Variants in CADPS2 observed in about 807,000 individuals in gnomAD.
The protein encoded by CADPS2 is calcium-dependent secretion activator 2.
In CADPS2, 93 loss-of-function variants were observed where a neutral mutation model predicts 172.5. That is an observed-to-expected ratio of 0.54 (90% confidence interval 0.46 to 0.64). CADPS2 has a LOEUF of 0.64. Ranked by LOEUF, CADPS2 falls within the 30% of genes least tolerant of loss-of-function variation. CADPS2 has a pLI of 0.00. For missense variants in CADPS2, 1,420 were observed against 1,565.9 expected (o/e 0.91, Z 1.57); for synonymous variants, 546 against 555.2 (o/e 0.98, Z 0.23).
chr7:122,360,466 G>A (rs981112960), intron 27 of CADPS2, among the ~76,000 whole-genome samples: 7 of 152,114 alleles, frequency 4.6e-5, no homozygotes, highest in South Asian at 2.1e-4. Context: ...ATAGAAAGGG[G>A]AGGAAAAGCG....
intron 27 of CADPS2, among the ~76,000 whole-genome samples, chr7:122,358,732 A>G (rs1274029138): frequency 6.6e-6 from 1 of 152,104 alleles, no homozygotes; most frequent in African/African-American, 2.4e-5. Flanking sequence ...GGCCAACAAG[A>G]CCTTACAGCT....
intron 1 of CADPS2, among the ~76,000 whole-genome samples, chr7:122,797,979 G>A (rs1174132987): frequency 6.6e-6 from 1 of 150,766 alleles, no homozygotes; most frequent in Non-Finnish European, 1.5e-5. Flanking sequence ...TTTAATATTT[G>A]TGTCAAGTTT....
chr7:122,730,658 C>T (rs542859794), intron 2 of CADPS2, among the ~76,000 whole-genome samples: 12 of 151,624 alleles, frequency 7.9e-5, no homozygotes, highest in Non-Finnish European at 1.6e-4. Context: ...CAGTTTTATA[C>T]ATACAAAACA....
intron 1 of CADPS2, among the ~76,000 whole-genome samples, chr7:122,841,786 C>T (rs1407924584): frequency 6.6e-6 from 1 of 152,136 alleles, no homozygotes; most frequent in Non-Finnish European, 1.5e-5. Context: ...AACTGAAGAC[C>T]ATCAGCCTGA....
At chr7:122,740,987 G>A (rs998149558) in intron 1 of CADPS2, among the ~76,000 whole-genome samples, 7 of 152,192 alleles carry the variant, frequency 4.6e-5, no homozygotes, top group Admixed American at 3.9e-4. Flanking sequence ...TTTGAGATTG[G>A]ATCAATACTA....
At chr7:122,383,591 C>T (rs186761274) in intron 24 of CADPS2, among the ~76,000 whole-genome samples, 41 of 152,218 alleles carry the variant, frequency 2.7e-4, no homozygotes, top group African/African-American at 9.6e-4. Context: ...TGCTTTCCCG[C>T]AGGTGATTCT....
At chr7:122,815,558 C>T (rs1043469221) in intron 1 of CADPS2, among the ~76,000 whole-genome samples, 18 of 151,266 alleles carry the variant, frequency 1.2e-4, no homozygotes, top group African/African-American at 3.9e-4. Context: ...GAGGGAAAAA[C>T]AGAAACACAA....
chr7:122,678,701 G>C (rs150783468), intron 2 of CADPS2, among the ~76,000 whole-genome samples: 1 of 152,136 alleles, frequency 6.6e-6, no homozygotes, highest in Non-Finnish European at 1.5e-5. Flanking sequence ...CCGATCTTAG[G>C]TTCTACATAG....
intron 1 of CADPS2, among the ~76,000 whole-genome samples, chr7:122,756,922 C>T (rs1007110822): frequency 6.6e-6 from 1 of 151,258 alleles, no homozygotes; most frequent in Non-Finnish European, 1.5e-5. Context: ...AAAAAAATTA[C>T]ATCCTCAGAC....
At chr7:122,794,173 T>C (rs1795877256) in intron 1 of CADPS2, among the ~76,000 whole-genome samples, 2 of 152,154 alleles carry the variant, frequency 1.3e-5, no homozygotes, top group South Asian at 4.1e-4. Flanking sequence ...GAAGTTCTCA[T>C]GGATGATATC....
chr7:122,819,726 C>T lies in CADPS2; in HGVS notation c.339+66273G>A, dbSNP rs541127555. On this transcript the variant is annotated intron_variant, in intron 1 of 29. Transcript: ENST00000449022. ...AAATTATCTGCTTCCCTGACTATTCCTGGACTACAGCTATATCTCATCGCC... is the reference window on the plus strand; with the variant it reads ...AAATTATCTGCTTCCCTGACTATTCTTGGACTACAGCTATATCTCATCGCC... 7.5e-4 allele frequency among the ~76,000 whole-genome samples: 114 copies of T among 152,204 alleles called. 1 individual carries two copies. Among genetic ancestry groups the T allele is most frequent in the African/African-American group, 2.4e-5 (1 of 41,516 alleles).
intron 1 of CADPS2, among the ~76,000 whole-genome samples, chr7:122,875,603 C>T (rs17145068): frequency 0.12 from 18,718 of 152,094 alleles, 1,242 homozygotes; most frequent in South Asian, 0.21. Flanking sequence ...CCATAAGCAA[C>T]ATTCTCTGTC....
chr7:122,771,163 T>G (rs1157310414), intron 1 of CADPS2, among the ~76,000 whole-genome samples: 7 of 152,160 alleles, frequency 4.6e-5, no homozygotes, highest in African/African-American at 1.7e-4. Flanking sequence ...TAACCTGCAG[T>G]AGGAGTTGAC....
chr7:122,694,087 A>G (rs2084761457), intron 2 of CADPS2, among the ~76,000 whole-genome samples: 1 of 152,254 alleles, frequency 6.6e-6, no homozygotes. Context: ...AAGTATTAAA[A>G]GCAGATGTAG....
chr7:122,796,236 C>T (rs1393951519), intron 1 of CADPS2, among the ~76,000 whole-genome samples: 1 of 152,172 alleles, frequency 6.6e-6, no homozygotes, highest in African/African-American at 2.4e-5. Flanking sequence ...GAAAACATTC[C>T]ATGCTCATGG....
intron 2 of CADPS2, among the ~76,000 whole-genome samples, chr7:122,705,034 G>A (rs1272202721): frequency 6.6e-6 from 1 of 151,982 alleles, no homozygotes; most frequent in East Asian, 1.9e-4. Flanking sequence ...CAACCCCGAT[G>A]GGTGGTCAGG....
At chr7:122,881,873 C>G (rs933760259) in intron 1 of CADPS2, among the ~76,000 whole-genome samples, 1 of 152,126 alleles carries the variant, frequency 6.6e-6, no homozygotes, top group Non-Finnish European at 1.5e-5. Flanking sequence ...CCCACTTTCC[C>G]ACAGAAAAGT....
At chr7:122,408,060 A>G (rs1280832403) in intron 19 of CADPS2, among the ~76,000 whole-genome samples, 2 of 151,754 alleles carry the variant, frequency 1.3e-5, no homozygotes, top group African/African-American at 4.9e-5. Context: ...TACTTCCAAT[A>G]TTTCTTTTTT....
intron 3 of CADPS2, among the ~76,000 whole-genome samples, chr7:122,639,760 T>C (rs1425796172): frequency 3.3e-5 from 5 of 152,202 alleles, no homozygotes; most frequent in African/African-American, 4.8e-5. Context: ...TTCTTTTAAT[T>C]GTCATTAGGA....
Sources: allele counts gnomAD v4.1 joint callset (sites outside exome capture counted in the v4.1 genomes callset), GRCh38; gene constraint gnomAD v4.1.1; transcripts MANE v1.5; gene names NCBI Gene and HGNC (gene_info 2026-07-23, HGNC 2026-07-21).